TBC1D19: variants seen among roughly 807,000 people sequenced by gnomAD.
TBC1D19 encodes the protein TBC1 domain family, member 19.
A neutral mutation model predicts 89.0 loss-of-function variants in TBC1D19; 60 were observed. The observed-to-expected ratio is 0.67, with a 90% confidence interval of 0.55 to 0.84. The LOEUF (loss-of-function observed/expected upper bound fraction) is 0.84, where lower values mean the gene tolerates loss of function less well. Ranked by LOEUF, TBC1D19 falls within the 40% of genes least tolerant of loss-of-function variation. TBC1D19 has a pLI of 0.00. For synonymous variants in TBC1D19, 189 were observed against 199.7 expected (o/e 0.95, Z 0.45); for missense variants, 500 against 610.8 (o/e 0.82, Z 1.91).
intron 13 of TBC1D19, among the ~76,000 whole-genome samples, chr4:26,691,009 A>T (rs1485011320): frequency 1.3e-5 from 2 of 152,252 alleles, no homozygotes; most frequent in Non-Finnish European, 2.9e-5. Flanking sequence ...GATTCATGAG[A>T]GGAGGTCAAA....
the TBC1D19 span, among the ~76,000 whole-genome samples, chr4:26,842,369 G>T: frequency 1.9e-5 from 2 of 106,452 alleles, no homozygotes; most frequent in East Asian, 2.9e-4. Flanking sequence ...TTTTGAGACA[G>T]GGTCTCACTC....
chr4:26,589,329 A>T (rs1166075632), intron 1 of TBC1D19, among the ~76,000 whole-genome samples: 1 of 152,176 alleles, frequency 6.6e-6, no homozygotes, highest in Non-Finnish European at 1.5e-5. Flanking sequence ...GACTGCTGTT[A>T]CTTTGTGCTT....
At chr4:26,850,650 G>C in the TBC1D19 span, among the ~76,000 whole-genome samples, 1 of 151,922 alleles carries the variant, frequency 6.6e-6, no homozygotes, top group Non-Finnish European at 1.5e-5. Context: ...TACAAGCCCA[G>C]GAGAGAGGCC....
In TBC1D19 at chr4:26,613,885, T is replaced by A. The variant is rs547522072; in HGVS notation, c.173-523T>A. Among the ~76,000 whole-genome samples, 3 of 152,290 alleles carry A rather than the reference T, an allele frequency of 2.0e-5. No homozygotes were observed. In the East Asian group the frequency reaches 5.8e-4, roughly 29 times the overall value. On this transcript the variant is annotated intron_variant, in intron 2 of 20. Transcript: ENST00000264866. ...GAGAGGTTCCCTAGTCCAACATCTG[T>A]ATATGGGAACTGAGATGTTAAATGG...
the TBC1D19 span, among the ~76,000 whole-genome samples, chr4:26,794,584 T>G: frequency 6.6e-6 from 1 of 152,062 alleles, no homozygotes; most frequent in Non-Finnish European, 1.5e-5. Flanking sequence ...AGAAAAGAAC[T>G]GGGAAATTTT....
intron 9 of TBC1D19, among the ~76,000 whole-genome samples, chr4:26,670,890 A>AAATC (rs1355465551): frequency 6.6e-6 from 1 of 151,344 alleles, no homozygotes; most frequent in Non-Finnish European, 1.5e-5. Flanking sequence ...AGAGAATTAT[A>AAATC]AATCATTCAT....
At chr4:26,858,852 T>A in the TBC1D19 span, 20 of 152,088 alleles carry the variant, frequency 1.3e-4, no homozygotes, top group African/African-American at 4.8e-4. Context: ...CAATACACTC[T>A]CAATGTCAAT....
chr4:26,783,485 C>T, the TBC1D19 span, among the ~76,000 whole-genome samples: 16 of 152,184 alleles, frequency 1.1e-4, no homozygotes, highest in Admixed American at 7.8e-4. Flanking sequence ...TCCTGAAAAA[C>T]GTTTTGAGTG....
At chr4:26,606,920 A>G (rs1222245412) in intron 1 of TBC1D19, among the ~76,000 whole-genome samples, 1 of 152,164 alleles carries the variant, frequency 6.6e-6, no homozygotes, top group Non-Finnish European at 1.5e-5. Flanking sequence ...CCCAGCTACT[A>G]TTTTAGCTGC....
intron 4 of TBC1D19, among the ~76,000 whole-genome samples, chr4:26,626,680 A>T (rs947034550): frequency 2.6e-5 from 4 of 152,074 alleles, no homozygotes; most frequent in Admixed American, 2.6e-4. Flanking sequence ...CTGTCAATCC[A>T]GTAACCTTGG....
intron 7 of TBC1D19, among the ~76,000 whole-genome samples, chr4:26,656,987 T>TCTTCTTCTCCTTCTC (rs67034832): frequency 5.1e-4 from 9 of 17,816 alleles, no homozygotes; most frequent in African/African-American, 1.4e-3. Context: ...TTCTTCTTCT[T>TCTTCTTCTCCTTCTC]CTTCTCCTTC....
the TBC1D19 span, among the ~76,000 whole-genome samples, chr4:26,797,582 G>A: frequency 2.0e-5 from 3 of 152,180 alleles, no homozygotes; most frequent in African/African-American, 7.2e-5. Flanking sequence ...AGCCCGAATA[G>A]CCAAAGTAAT....
At chr4:26,831,398 A>G in the TBC1D19 span, among the ~76,000 whole-genome samples, 1 of 152,144 alleles carries the variant, frequency 6.6e-6, no homozygotes, top group East Asian at 1.9e-4. Flanking sequence ...CGGCAACTAC[A>G]CAACTCTGCT....
At chr4:26,692,347 A>G (rs1047928462) in intron 13 of TBC1D19, among the ~76,000 whole-genome samples, 3 of 152,224 alleles carry the variant, frequency 2.0e-5, no homozygotes, top group Non-Finnish European at 4.4e-5. Context: ...TCCACTCAGC[A>G]GGCCAAAAAT....
chr4:26,842,027 A>T, the TBC1D19 span, among the ~76,000 whole-genome samples: 1,190 of 152,264 alleles, frequency 7.8e-3, 14 homozygotes, highest in African/African-American at 0.027. Context: ...GAGGAAAGGG[A>T]ATAGTTTATA....
chr4:26,796,296 T>C, the TBC1D19 span, among the ~76,000 whole-genome samples: 4 of 152,326 alleles, frequency 2.6e-5, no homozygotes, highest in African/African-American at 9.6e-5. Flanking sequence ...GCTTATGCTC[T>C]TACCAGCAAT....
chr4:26,800,904 T>A, the TBC1D19 span, among the ~76,000 whole-genome samples: 24 of 152,266 alleles, frequency 1.6e-4, no homozygotes, highest in Admixed American at 2.6e-4. Flanking sequence ...ATTCTGGATA[T>A]TAGCCCTTTG....
the TBC1D19 span, among the ~76,000 whole-genome samples, chr4:26,804,444 G>GC: frequency 6.6e-6 from 1 of 152,224 alleles, no homozygotes; most frequent in African/African-American, 2.4e-5. Flanking sequence ...CACGTGCGCT[G>GC]CCCTGTCTGT....
In TBC1D19 at chr4:26,605,737, A is replaced by C. The variant is rs1273448853; in HGVS notation, c.100-7432A>C. 2.0e-5 allele frequency among the ~76,000 whole-genome samples: 3 copies of C among 152,224 alleles called. No individual in the cohort carries two copies. In the East Asian group the frequency reaches 5.8e-4, roughly 29 times the overall value. On this transcript the variant is annotated intron_variant, in intron 1 of 20. Coordinates refer to ENST00000264866, the MANE Select transcript of TBC1D19 (RefSeq NM_018317.4). ...CCTGTTGTTTCCTGACTTTTTAATG[A>C]TCGCCATTCTAACTGGTGTGAGATG...
Sources: gnomAD v4.1 joint callset for allele counts (sites outside exome capture counted in the v4.1 genomes callset) on GRCh38, gnomAD v4.1.1 for gene constraint, MANE v1.5 for transcripts, NCBI Gene and HGNC (gene_info 2026-07-23, HGNC 2026-07-21) for gene names.